BAHCC1: variants seen among roughly 807,000 people sequenced by gnomAD.
The protein encoded by BAHCC1 is BAH and coiled-coil domain-containing protein 1.
Under a neutral mutation model 88.2 loss-of-function variants are expected in BAHCC1, and 43 were observed. The ratio of observed to expected loss-of-function variants is 0.49; its 90% confidence interval spans 0.38 to 0.63. The LOEUF (loss-of-function observed/expected upper bound fraction) is 0.63, where lower values mean the gene tolerates loss of function less well. Ranked by LOEUF, BAHCC1 falls within the 20% of genes least tolerant of loss-of-function variation. The pLI, the probability that BAHCC1 is intolerant of heterozygous loss-of-function variation, is 0.00. For synonymous variants in BAHCC1, 1,510 were observed against 745.5 expected, an observed-to-expected ratio of 2.03 and a Z score of -16.71; for missense variants, 3,023 against 1,654.8, an observed-to-expected ratio of 1.83 and a Z score of -14.34.
chr17:81,400,005 C>T (rs1404542595), intron 2 of BAHCC1, 88 bp downstream of exon 2: 3 of 1,115,256 alleles, frequency 2.7e-6, no homozygotes, highest in Non-Finnish European at 2.3e-6. Context: ...AGCAGAGAAG[C>T]TTTGGTTTCA....
chr17:81,439,666 C>T (rs2064384699), intron 4 of BAHCC1, among the ~76,000 whole-genome samples: 1 of 151,772 alleles, frequency 6.6e-6, no homozygotes, highest in Non-Finnish European at 1.5e-5. Context: ...TCCTGGGAGC[C>T]CGGGAGCCCA....
intron 2 of BAHCC1, chr17:81,401,139 A>T (rs1738801569): frequency 6.6e-6 from 1 of 152,310 alleles, no homozygotes; most frequent in South Asian, 2.1e-4. Flanking sequence ...AGACGGGGCT[A>T]GAAAGGAAAA....
At chr17:81,406,702 A>G (rs1269567927) in intron 2 of BAHCC1, among the ~76,000 whole-genome samples, 1 of 152,238 alleles carries the variant, frequency 6.6e-6, no homozygotes, top group Non-Finnish European at 1.5e-5. Context: ...CCGTGGCCCC[A>G]GAGCAGCTGC....
intron 26 of BAHCC1, 100 bp downstream of exon 26, chr17:81,462,146 A>G (rs1395606118): frequency 6.6e-6 from 4 of 609,844 alleles, no homozygotes; most frequent in South Asian, 2.0e-5. Flanking sequence ...TCATCTTCCT[A>G]CTTGATTTCA....
In BAHCC1 at chr17:81,443,797, G is replaced by A. The variant is rs375573223; in HGVS notation, c.2216-12G>A. ...CCAACCCTCTCCCGTCTGCTGTCTC[G>A]ACCCTGTGCAGGTGGCGGTGGGCCC... On this transcript the variant is annotated splice_polypyrimidine_tract_variant and intron_variant, in intron 5 of 27. Coordinates refer to ENST00000675386, the MANE Select transcript of BAHCC1 (RefSeq NM_001377448.1). 82 of 708,938 alleles carry A rather than the reference G, an allele frequency of 1.2e-4. 1 individual carries two copies. Among genetic ancestry groups the A allele is most frequent in the East Asian group, 7.8e-4 (29 of 37,288 alleles). 43.9% of individuals were successfully genotyped at this position (708,938 alleles called of 1,614,324 possible). A position where few individuals can be genotyped will look rare whatever the true frequency, so the allele number is the denominator to read the frequency against.
At chr17:81,429,897 G>A (rs1312533283) in intron 3 of BAHCC1, among the ~76,000 whole-genome samples, 18 of 152,324 alleles carry the variant, frequency 1.2e-4, no homozygotes, top group Non-Finnish European at 2.1e-4. Flanking sequence ...CCCCTCGAGC[G>A]GGCCAGGGCT....
chr17:81,442,742 C>CT lies in BAHCC1; in HGVS notation c.1394dup (p.Leu468ProfsTer18). The CT allele has an allele frequency of 1.3e-6, 1 of 778,436 alleles. No homozygotes were observed. Among genetic ancestry groups the CT allele is most frequent in the Non-Finnish European group, 2.4e-6 (1 of 417,498 alleles). The allele number at this position is 778,436 out of a possible 1,614,324, so 48.2% of individuals were successfully genotyped here. A position where few individuals can be genotyped will look rare whatever the true frequency, so the allele number is the denominator to read the frequency against. On this transcript the variant is annotated frameshift_variant, in exon 5 of 28. Coordinates refer to ENST00000675386, the MANE Select transcript of BAHCC1 (RefSeq NM_001377448.1). LOFTEE classifies it high-confidence loss of function. ...CTTTGAGGCGGCCCTCAACCCCCGG[C>CT]TAAAGGGCCTCGACTATCTCAGCAG...
chr17:81,448,087 C>T, intron 11 of BAHCC1, among the ~76,000 whole-genome samples: 1 of 152,202 alleles, frequency 6.6e-6, no homozygotes, highest in South Asian at 2.1e-4. Context: ...GGACTAACCT[C>T]CATGGTGGTC....
Position 81,463,943 on chromosome 17 carries a change from GCCCAC to G in BAHCC1, c.*127_*131del. The stretch of plus-strand genomic sequence containing the variant: ...GGCGCATCTGAGCAAATATGCAAAA[GCCCAC>G]AGGGCAAGACCCAGGCTTTCTTACG... On this transcript the variant is annotated 3_prime_UTR_variant, in exon 28 of 28. Transcript: ENST00000675386. 1.6e-6 allele frequency: 1 copy of G among 643,092 alleles called. No homozygotes were observed. Among genetic ancestry groups the G allele is most frequent in the Non-Finnish European group, 2.8e-6 (1 of 355,970 alleles). 39.8% of individuals were successfully genotyped at this position (643,092 alleles called of 1,614,324 possible). A position where few individuals can be genotyped will look rare whatever the true frequency, so the allele number is the denominator to read the frequency against.
rs368486632 is a variant in BAHCC1 at position 81,442,616 on chromosome 17, C to T, written c.1267C>T (p.Arg423Trp). The T allele has an allele frequency of 1.9e-4, 147 of 776,160 alleles. No homozygotes were observed. Among genetic ancestry groups the T allele is most frequent in the Admixed American group, 5.6e-4 (33 of 58,746 alleles). The allele number at this position is 776,160 out of a possible 1,614,324, so 48.1% of individuals were successfully genotyped here. The change falls in exon 5 of 28, where the codon CGG (arginine) becomes TGG (tryptophan). Residue 423 changes from arginine to tryptophan, a missense_variant. Physicochemically the swap from Arg to Trp is moderately radical, Grantham distance 101 (BLOSUM62 -3). Transcript: ENST00000675386. ...ACAVAGEGKDRHLEGTMAPDH... is the reference protein window; with the variant it reads ...ACAVAGEGKDWHLEGTMAPDH... The stretch of plus-strand genomic sequence containing the variant: ...TGCCGTGGCAGGGGAGGGCAAGGAC[C>T]GGCACCTGGAGGGAACCATGGCCCC...
chr17:81,417,562 C>CG (rs1555648944), intron 2 of BAHCC1, among the ~76,000 whole-genome samples: 4 of 144,722 alleles, frequency 2.8e-5, no homozygotes, highest in Admixed American at 6.8e-5. Context: ...GCCACCCCCC[C>CG]CCCGCCCTAG....
chr17:81,464,053 A>C lies in BAHCC1; in HGVS notation c.*236A>C. 2 of 573,644 alleles carry C rather than the reference A, an allele frequency of 3.5e-6. No individual in the cohort carries two copies. Among genetic ancestry groups the C allele is most frequent in the Non-Finnish European group, 3.1e-6 (1 of 319,570 alleles). The allele number at this position is 573,644 out of a possible 1,614,324, so 35.5% of individuals were successfully genotyped here. A position where few individuals can be genotyped will look rare whatever the true frequency, so the allele number is the denominator to read the frequency against. On this transcript the variant is annotated 3_prime_UTR_variant, in exon 28 of 28. Coordinates refer to ENST00000675386, the MANE Select transcript of BAHCC1 (RefSeq NM_001377448.1). ...TGCGGAGGGTCGGGCTGTGGCCCTC[A>C]TGGGTCCCCGGCCCGCCCCACCCAC...
At position 81,438,518 on chromosome 17, in the gene BAHCC1, G is replaced by C. The variant is rs782509012; in HGVS notation, c.481+26G>C. On this transcript the variant is annotated intron_variant, in intron 4 of 27. Coordinates refer to ENST00000675386, the MANE Select transcript of BAHCC1 (RefSeq NM_001377448.1). Reference sequence around the variant, plus strand: ...GCAAGTGCAGCATGGGACCGGCGTGGGGAGCAGGCATGCTGGAGGTGGGGA... The same window carrying C: ...GCAAGTGCAGCATGGGACCGGCGTGCGGAGCAGGCATGCTGGAGGTGGGGA... 4.0e-6 allele frequency: 3 copies of C among 755,518 alleles called. No homozygotes were observed. In the African/African-American group the frequency reaches 5.1e-5, roughly 13 times the overall value. The allele number at this position is 755,518 out of a possible 1,614,324, so 46.8% of individuals were successfully genotyped here.
Position 81,443,140 on chromosome 17 carries a change from C to T in BAHCC1, c.1791C>T (p.Ser597=), listed in dbSNP as rs1555653176. ...GCCAGGGCACCGCCATGGCCATCAG[C>T]GAGGAGCGCAAGGCTGGCGCCTACC... The part of the protein sequence containing the change: ...QAGQGTAMAI[S]EERKAGAYLD... Residue 597 remains serine (S), a synonymous_variant, in exon 5 of 28, where the codon AGC becomes AGT. Transcript: ENST00000675386. The T allele has an allele frequency of 6.4e-6, 5 of 777,618 alleles. No individual in the cohort carries two copies. The highest frequency in any genetic ancestry group is 4.0e-5 in the South Asian group (3 of 74,550). The allele number at this position is 777,618 out of a possible 1,614,324, so 48.2% of individuals were successfully genotyped here. A position where few individuals can be genotyped will look rare whatever the true frequency, so the allele number is the denominator to read the frequency against.
intron 2 of BAHCC1, among the ~76,000 whole-genome samples, chr17:81,406,334 G>A (rs988182466): frequency 4.6e-5 from 7 of 152,204 alleles, no homozygotes; most frequent in Non-Finnish European, 7.4e-5. Context: ...TGTCTGTTGG[G>A]TAGGTGGGTT....
chr17:81,427,412 G>C (rs1669622591), intron 3 of BAHCC1, among the ~76,000 whole-genome samples: 1 of 152,146 alleles, frequency 6.6e-6, no homozygotes, highest in African/African-American at 2.4e-5. Context: ...AGCGCACACA[G>C]GCTGCCACCC....
rs555714796 is a variant in BAHCC1 at position 81,444,552 on chromosome 17, G to T, written c.2496G>T (p.Met832Ile). The change falls in exon 7 of 28, where the codon ATG becomes ATT. Residue 832 changes from methionine (M) to isoleucine (I), a missense_variant. Coordinates refer to ENST00000675386, the MANE Select transcript of BAHCC1 (RefSeq NM_001377448.1). ...LPRTRSPSLW[M>I]GGHSYGLGHP... ...GCACCCGCAGCCCCTCCCTGTGGAT[G>T]GGGGGGCACTCCTACGGTCAGTGAT... The T allele has an allele frequency of 1.9e-4, 139 of 719,550 alleles. No homozygotes were observed. The highest frequency in any genetic ancestry group is 1.6e-3 in the South Asian group (110 of 66,738). 44.6% of individuals were successfully genotyped at this position (719,550 alleles called of 1,614,324 possible). A position where few individuals can be genotyped will look rare whatever the true frequency, so the allele number is the denominator to read the frequency against.
chr17:81,398,721 A>T (rs2063771530), intron 1 of BAHCC1, among the ~76,000 whole-genome samples: 4 of 152,198 alleles, frequency 2.6e-5, no homozygotes, highest in South Asian at 2.1e-4. Flanking sequence ...GCTCCGGGAC[A>T]GCAGGCCGGG....
At chr17:81,436,624 T>C (rs1555651791) in intron 3 of BAHCC1, among the ~76,000 whole-genome samples, 1 of 129,496 alleles carries the variant, frequency 7.7e-6, no homozygotes. Flanking sequence ...CCCGTCCCTC[T>C]CAGCTTTGGT....
Sources: gnomAD v4.1 joint callset for allele counts (sites outside exome capture counted in the v4.1 genomes callset) on GRCh38, gnomAD v4.1.1 for gene constraint, MANE v1.5 for transcripts, NCBI Gene and HGNC (gene_info 2026-07-23, HGNC 2026-07-21) for gene names.